Variants in HS1BP3 observed in about 807,000 individuals in gnomAD.
The protein encoded by HS1BP3 is HCLS1-binding protein 3.
HS1BP3 carries 32 observed loss-of-function variants against 33.5 expected under a neutral mutation model. The observed-to-expected ratio is 0.95, with a 90% confidence interval of 0.72 to 1.28. The LOEUF (loss-of-function observed/expected upper bound fraction) is 1.28. Among genes scored for constraint, HS1BP3 ranks in the 50% most tolerant of loss-of-function variants. The pLI is 0.00. For synonymous variants in HS1BP3, 187 were observed against 209.2 expected (o/e 0.89, Z 0.92); for missense variants, 486 against 502.3 (o/e 0.97, Z 0.31).
chr2:20,553,918 G>C, the HS1BP3 span, among the ~76,000 whole-genome samples: 1 of 152,218 alleles, frequency 6.6e-6, no homozygotes, highest in Non-Finnish European at 1.5e-5. Context: ...CTGTGGTTTT[G>C]AGGATTCTGG....
At chr2:20,605,619 A>G (rs1230246764) in intron 2 of HS1BP3, among the ~76,000 whole-genome samples, 1 of 152,006 alleles carries the variant, frequency 6.6e-6, no homozygotes, top group African/African-American at 2.4e-5. Context: ...CCAGCTACCT[A>G]CCTTCTTCTG....
At chr2:20,605,393 C>T (rs1283329706) in intron 2 of HS1BP3, among the ~76,000 whole-genome samples, 1 of 152,186 alleles carries the variant, frequency 6.6e-6, no homozygotes, top group East Asian at 1.9e-4. Context: ...CCTTTTGTTC[C>T]CATCATGTCC....
intron 2 of HS1BP3, 115 bp downstream of exon 2, chr2:20,645,225 C>T: frequency 9.4e-7 from 1 of 1,059,756 alleles, no homozygotes. Context: ...CCTGAGCAAG[C>T]AACAGACAGA....
intron 5 of HS1BP3, among the ~76,000 whole-genome samples, chr2:20,580,517 T>A (rs543624868): frequency 4.6e-4 from 70 of 150,974 alleles, no homozygotes; most frequent in African/African-American, 1.6e-3. Context: ...AGACTCTGTC[T>A]CCAAAAAAAG....
At chr2:20,632,703 A>G (rs749030331) in intron 4 of HS1BP3, among the ~76,000 whole-genome samples, 4 of 152,120 alleles carry the variant, frequency 2.6e-5, no homozygotes, top group Admixed American at 6.5e-5. Flanking sequence ...CCAGATTTCT[A>G]TCTCTCAAGG....
At chr2:20,596,108 G>A (rs999515820) in intron 3 of HS1BP3, among the ~76,000 whole-genome samples, 1 of 152,158 alleles carries the variant, frequency 6.6e-6, no homozygotes, top group Non-Finnish European at 1.5e-5. Context: ...CCCACAGGAT[G>A]TGACTCAAAT....
At chr2:20,584,254 A>C (rs1693628006) in intron 5 of HS1BP3, among the ~76,000 whole-genome samples, 1 of 152,202 alleles carries the variant, frequency 6.6e-6, no homozygotes, top group African/African-American at 2.4e-5. Context: ...CCAGTAGGCC[A>C]TGGCCCAGCC....
chr2:20,588,524 T>C (rs6712435), downstream of HS1BP3, among the ~76,000 whole-genome samples: 99,196 of 152,136 alleles, frequency 0.65, 36,350 homozygotes, highest in East Asian at 0.82. Context: ...TTCACCATGT[T>C]GGCCAGGCTG....
chr2:20,627,906 C>T (rs912454180), intron 4 of HS1BP3, among the ~76,000 whole-genome samples: 6 of 152,072 alleles, frequency 3.9e-5, no homozygotes, highest in Non-Finnish European at 5.9e-5. Flanking sequence ...AGAGGATGCG[C>T]GATGGATGGA....
chr2:20,570,754 A>G (rs939036944), intron 5 of HS1BP3, among the ~76,000 whole-genome samples: 5 of 152,190 alleles, frequency 3.3e-5, no homozygotes, highest in African/African-American at 1.2e-4. Flanking sequence ...AGAAAGGGGA[A>G]CAAGCCAGCA....
intron 5 of HS1BP3, among the ~76,000 whole-genome samples, chr2:20,577,454 G>A (rs1693427860): frequency 6.6e-6 from 1 of 152,184 alleles, no homozygotes; most frequent in African/African-American, 2.4e-5. Context: ...TGAAACAAGT[G>A]CAGCGATCTC....
At chr2:20,559,183 C>A (rs1692913631), downstream of HS1BP3, among the ~76,000 whole-genome samples, 1 of 152,202 alleles carries the variant, frequency 6.6e-6, no homozygotes, top group Non-Finnish European at 1.5e-5. Context: ...CAGCTCACCC[C>A]ACAAAGCCCC....
intron 6 of HS1BP3, chr2:20,622,111 G>T: frequency 8.8e-7 from 1 of 1,134,780 alleles, no homozygotes; most frequent in Non-Finnish European, 1.1e-6. Context: ...CCCGCTCAGT[G>T]TACACCCCAC....
intron 2 of HS1BP3, among the ~76,000 whole-genome samples, chr2:20,602,686 G>C (rs144183871): frequency 6.6e-6 from 1 of 152,066 alleles, no homozygotes; most frequent in Non-Finnish European, 1.5e-5. Flanking sequence ...CTGGAAAGTC[G>C]ATGACACCAA....
At chr2:20,605,589 G>A (rs1434514469) in intron 2 of HS1BP3, among the ~76,000 whole-genome samples, 1 of 151,992 alleles carries the variant, frequency 6.6e-6, no homozygotes, top group African/African-American at 2.4e-5. Context: ...ATACCTCCCC[G>A]CACTCCCAGC....
intron 5 of HS1BP3, among the ~76,000 whole-genome samples, chr2:20,568,865 T>A (rs1693198451): frequency 6.6e-6 from 1 of 152,138 alleles, no homozygotes; most frequent in Admixed American, 6.5e-5. Context: ...AGTTGGGACC[T>A]CCCAAGGGAC....
intron 2 of HS1BP3, among the ~76,000 whole-genome samples, chr2:20,609,145 G>T (rs1292033270): frequency 6.6e-6 from 1 of 152,196 alleles, no homozygotes; most frequent in Non-Finnish European, 1.5e-5. Flanking sequence ...TCCACCCATG[G>T]GTAGCTGCAG....
At chr2:20,591,419 C>T (rs1693810880), downstream of HS1BP3, among the ~76,000 whole-genome samples, 1 of 152,212 alleles carries the variant, frequency 6.6e-6, no homozygotes. Context: ...GGTGTGGCCA[C>T]CAGCCCCAGA....
intron 5 of HS1BP3, among the ~76,000 whole-genome samples, chr2:20,583,934 T>C (rs144673603): frequency 2.5e-3 from 385 of 152,294 alleles, no homozygotes; most frequent in African/African-American, 7.7e-3. Flanking sequence ...GCATTTCCTA[T>C]CTGTGTCCCA....
Sources: allele counts gnomAD v4.1 joint callset (sites outside exome capture counted in the v4.1 genomes callset), GRCh38; gene constraint gnomAD v4.1.1; transcripts MANE v1.5; gene names NCBI Gene and HGNC (gene_info 2026-07-23, HGNC 2026-07-21).